ADAMTSL1: variants seen among roughly 807,000 people sequenced by gnomAD.
ADAMTSL1 encodes the protein ADAMTS-like protein 1.
Under a neutral mutation model 201.8 loss-of-function variants are expected in ADAMTSL1, and 126 were observed. That is an observed-to-expected ratio of 0.62 (90% CI 0.54 to 0.72). The LOEUF (loss-of-function observed/expected upper bound fraction) is 0.72. Ranked by LOEUF, ADAMTSL1 falls within the 30% of genes least tolerant of loss-of-function variation. ADAMTSL1 has a pLI of 0.00. For missense variants in ADAMTSL1, 2,679 were observed against 2,277.8 expected (o/e 1.18, Z -3.59); for synonymous variants, 1,121 against 903.4 (o/e 1.24, Z -4.32).
chr9:18,467,878 T>C (rs1587297099), intron 2 of ADAMTSL1, among the ~76,000 whole-genome samples: 1 of 152,186 alleles, frequency 6.6e-6, no homozygotes, highest in African/African-American at 2.4e-5. Flanking sequence ...CCACTCTCTG[T>C]ATATTGTCTA....
At chr9:18,168,943 C>G (rs1827760565) in intron 2 of ADAMTSL1, among the ~76,000 whole-genome samples, 1 of 151,666 alleles carries the variant, frequency 6.6e-6, no homozygotes, top group East Asian at 1.9e-4. Context: ...AGTGTCTGTT[C>G]ATATCCTTCG....
rs186101050 is a variant in ADAMTSL1 at position 18,903,736 on chromosome 9, C to T, written c.4852-2046C>T. On this transcript the variant is annotated intron_variant, in intron 26 of 28. Transcript: ENST00000380548. ...GGTGATTGATTGGTGTCAGGAGCAC[C>T]TGCATATATCAAAATCCACACAAAC... is the stretch of plus-strand genomic sequence containing the variant. 6.9e-4 allele frequency among the ~76,000 whole-genome samples: 105 copies of T among 151,968 alleles called. 2 individuals are homozygous for T. In the East Asian group the frequency reaches 0.018, roughly 25 times the overall value.
chr9:18,645,205 C>A (rs950067741), intron 7 of ADAMTSL1, among the ~76,000 whole-genome samples: 89 of 152,278 alleles, frequency 5.8e-4, no homozygotes, highest in Non-Finnish European at 1.2e-3. Flanking sequence ...AGTGTCTGTT[C>A]ATGTCCTTCA....
rs1156802174 is a variant in ADAMTSL1, at chr9:18,622,153, AG to A, written c.475-87del. 17 of 1,515,002 alleles carry A rather than the reference AG, an allele frequency of 1.1e-5. No homozygotes were observed. In the Admixed American group the frequency reaches 3.0e-4, roughly 27 times the overall value. The allele number at this position is 1,515,002 out of a possible 1,614,324, so 93.8% of individuals were successfully genotyped here. On this transcript the variant is annotated intron_variant, in intron 4 of 28. Transcript: ENST00000380548. The stretch of plus-strand genomic sequence containing the variant: ...TATGTTTTAGGCCCCTCAGGGATGA[AG>A]GGAGGGTTATTTCATGGTGATTGGC...
chr9:18,418,398 C>T (rs533367173), intron 2 of ADAMTSL1, among the ~76,000 whole-genome samples: 19 of 152,194 alleles, frequency 1.2e-4, no homozygotes, highest in Admixed American at 3.3e-4. Flanking sequence ...GAAAATTATA[C>T]AGATCAGAAA....
intron 1 of ADAMTSL1, among the ~76,000 whole-genome samples, chr9:18,126,483 G>A (rs1825733329): frequency 6.6e-6 from 1 of 152,122 alleles, no homozygotes; most frequent in African/African-American, 2.4e-5. Context: ...ACACTGTACT[G>A]CAGCCATCTG....
intron 4 of ADAMTSL1, among the ~76,000 whole-genome samples, chr9:18,598,417 C>A (rs925209707): frequency 1.3e-5 from 2 of 151,938 alleles, no homozygotes; most frequent in Non-Finnish European, 2.9e-5. Context: ...TTTTTAAGAA[C>A]CTTTAAACAA....
chr9:18,681,922 G>A lies in ADAMTSL1; in HGVS notation c.1452G>A (p.Glu484=), dbSNP rs770838986. Residue 484 remains glutamate, a synonymous_variant, in exon 12 of 29, where the codon GAG becomes GAA. Transcript: ENST00000380548. ...CAAAAACAAAGCCCCACATAAAAGA[G>A]GAATGCATCGTACCCACTCCCTGCT... ...CSPKTKPHIK[E]ECIVPTPCYK... 1 of 1,613,952 alleles carries A rather than the reference G, an allele frequency of 6.2e-7. No homozygotes were observed. Among genetic ancestry groups the A allele is most frequent in the Non-Finnish European group, 8.5e-7 (1 of 1,180,024 alleles).
At chr9:18,867,888 A>C (rs1321019276) in intron 23 of ADAMTSL1, among the ~76,000 whole-genome samples, 1 of 152,120 alleles carries the variant, frequency 6.6e-6, no homozygotes. Flanking sequence ...TGCCTCCCAA[A>C]GTGCTGGGAT....
intron 2 of ADAMTSL1, among the ~76,000 whole-genome samples, chr9:18,297,905 TG>T (rs1833536631): frequency 6.6e-6 from 1 of 152,246 alleles, no homozygotes; most frequent in Non-Finnish European, 1.5e-5. Context: ...GGTATCCTTT[TG>T]GAGCTGGGGA....
At chr9:18,258,916 C>G (rs887437384) in intron 2 of ADAMTSL1, among the ~76,000 whole-genome samples, 1 of 152,168 alleles carries the variant, frequency 6.6e-6, no homozygotes, top group Admixed American at 6.5e-5. Context: ...TCAGCAATGA[C>G]CTTCATCTTA....
intron 1 of ADAMTSL1, among the ~76,000 whole-genome samples, chr9:18,105,210 G>C (rs923217021): frequency 1.3e-5 from 2 of 152,120 alleles, no homozygotes; most frequent in Non-Finnish European, 2.9e-5. Flanking sequence ...TGCTCTCTGA[G>C]TTTCCTTCCA....
At chr9:18,664,263 A>G (rs1405211584) in intron 9 of ADAMTSL1, among the ~76,000 whole-genome samples, 2 of 152,096 alleles carry the variant, frequency 1.3e-5, no homozygotes, top group Non-Finnish European at 2.9e-5. Flanking sequence ...GAATCAAAGC[A>G]ACCCTTCTGA....
At chr9:17,942,629 A>G (rs1563910410) in intron 1 of ADAMTSL1, among the ~76,000 whole-genome samples, 5 of 152,232 alleles carry the variant, frequency 3.3e-5, no homozygotes, top group Admixed American at 2.6e-4. Context: ...ATCAATACCA[A>G]CCTGCCAACT....
At chr9:18,580,352 T>A (rs1450704716) in intron 4 of ADAMTSL1, among the ~76,000 whole-genome samples, 1 of 152,208 alleles carries the variant, frequency 6.6e-6, no homozygotes, top group Non-Finnish European at 1.5e-5. Flanking sequence ...TTGAATAGAA[T>A]GATTATTTCT....
In ADAMTSL1 at chr9:18,586,443, A is replaced by G. The variant is rs966028119; in HGVS notation, c.474+12177A>G. On this transcript the variant is annotated intron_variant, in intron 4 of 28. Coordinates refer to ENST00000380548, the MANE Select transcript of ADAMTSL1 (RefSeq NM_001040272.6). The stretch of plus-strand genomic sequence containing the variant: ...AAACCATTGCTCAAAAAAATCAGAG[A>G]TAACACAAACAAATGAAAAAACATT... 7.9e-5 allele frequency among the ~76,000 whole-genome samples: 12 copies of G among 152,312 alleles called. No individual in the cohort carries two copies. In the East Asian group the frequency reaches 2.1e-3, roughly 27 times the overall value.
intron 17 of ADAMTSL1, among the ~76,000 whole-genome samples, chr9:18,772,002 G>C (rs1465714599): frequency 3.9e-5 from 6 of 152,130 alleles, no homozygotes; most frequent in African/African-American, 9.7e-5. Context: ...CATGCCAAAT[G>C]TCTCAGAACG....
At chr9:18,895,037 A>C (rs75849474) in intron 26 of ADAMTSL1, among the ~76,000 whole-genome samples, 1 of 152,244 alleles carries the variant, frequency 6.6e-6, no homozygotes, top group East Asian at 1.9e-4. Context: ...TATTTTATAC[A>C]TACGGTGCAT....
At chr9:18,646,491 G>A (rs946934230) in intron 7 of ADAMTSL1, among the ~76,000 whole-genome samples, 2 of 150,786 alleles carry the variant, frequency 1.3e-5, no homozygotes, top group Non-Finnish European at 3.0e-5. Context: ...AATGCTCCCA[G>A]TTTTTGCCCA....
Sources: allele counts gnomAD v4.1 joint callset (sites outside exome capture counted in the v4.1 genomes callset), GRCh38; gene constraint gnomAD v4.1.1; transcripts MANE v1.5; gene names NCBI Gene and HGNC (gene_info 2026-07-23, HGNC 2026-07-21).